EXOC3L1: variants seen among roughly 807,000 people sequenced by gnomAD.
EXOC3L1 encodes the protein exocyst complex component 3-like protein.
Under a neutral mutation model 83.6 loss-of-function variants are expected in EXOC3L1, and 79 were observed. That is an observed-to-expected ratio of 0.95 (90% CI 0.79 to 1.14). The LOEUF is 1.14. EXOC3L1 is among the 50% of genes most tolerant of loss of function. The pLI, the probability that EXOC3L1 is intolerant of heterozygous loss-of-function variation, is 0.00. For synonymous variants in EXOC3L1, 433 were observed against 451.2 expected (o/e 0.96, Z 0.51); for missense variants, 945 against 972.0 (o/e 0.97, Z 0.37).
At chr16:67,185,785 G>C (rs1289602089) in intron 9 of EXOC3L1, 1 of 529,906 alleles carries the variant, frequency 1.9e-6, no homozygotes, top group Non-Finnish European at 3.4e-6. Context: ...ATCCCAGTGA[G>C]GAGGGAGTAA....
chr16:67,186,911 A>C, intron 6 of EXOC3L1, 27 bp from the exon 7 acceptor site: 1 of 1,613,250 alleles, frequency 6.2e-7, no homozygotes, highest in South Asian at 1.1e-5. Context: ...GGGGCAAAGG[A>C]ATGTAGCAGG....
chr16:67,187,213 A>G lies in EXOC3L1; in HGVS notation c.1040+12T>C, dbSNP rs1345959040. On this transcript the variant is annotated intron_variant, in intron 5 of 13. Coordinates refer to ENST00000314586, the MANE Select transcript of EXOC3L1 (RefSeq NM_178516.4). ...CTGATCCCCCATGTCCCGCTGCCCC[A>G]AAGGCACTGACCCCAGGTACACATG... 1 of 1,609,286 alleles carries G rather than the reference A, an allele frequency of 6.2e-7. No individual in the cohort carries two copies. The highest frequency in any genetic ancestry group is 8.5e-7 in the Non-Finnish European group (1 of 1,177,120).
Position 67,187,320 on chromosome 16 carries a change from A to G in EXOC3L1, c.945T>C (p.Gly315=), listed in dbSNP as rs1480506494. ...VQLWAHTLHS[G]LRRSLQNLLA... ...GGAGGTTCTGCAGGCTGCGGCGCAA[A>G]CCACTATGCAGCGTGTGGGCCCATA... The change falls in exon 5 of 14, where the codon GGT becomes GGC. Residue 315 remains glycine, a synonymous_variant. Transcript: ENST00000314586. 6.2e-7 allele frequency: 1 copy of G among 1,612,928 alleles called. No individual in the cohort carries two copies. Among genetic ancestry groups the G allele is most frequent in the South Asian group, 1.1e-5 (1 of 91,092 alleles).
rs1168225180 is a variant in EXOC3L1 at position 67,189,058 on chromosome 16, C to T, written c.169G>A (p.Glu57Lys). ...TCCAGGGAGCAGGTACGCTGCACCT[C>T]GCGGCTGCGGTACTGGCCTAGCCTG... ...LARLGQYRSR[E>K]VQRTCSLESR... The change falls in exon 3 of 14, where the codon GAG becomes AAG. Residue 57 changes from glutamate to lysine, a missense_variant. Glu to Lys is a moderately conservative substitution (Grantham distance 56). Transcript: ENST00000314586. 13 of 1,606,884 alleles carry T rather than the reference C, an allele frequency of 8.1e-6. No homozygotes were observed. The highest frequency in any genetic ancestry group is 2.7e-5 in the African/African-American group (2 of 74,826).
chr16:67,188,237 C>G (rs2032784678), intron 4 of EXOC3L1, among the ~76,000 whole-genome samples: 1 of 152,128 alleles, frequency 6.6e-6, no homozygotes, highest in South Asian at 2.1e-4. Flanking sequence ...GAGTGAGACT[C>G]TGTTTCAAAA....
Position 67,187,622 on chromosome 16 carries a change from C to T in EXOC3L1, c.643G>A (p.Glu215Lys), listed in dbSNP as rs761975568. ...AAGAAGKLAR[E>K]DPALLVAAVR... ...GCAGCCACCAACAGGGCTGGGTCCT[C>T]CCGTGCCAGCTTCCCTGCGGCCCCT... The change falls in exon 5 of 14, where the codon GAG becomes AAG. Residue 215 changes from glutamate to lysine, a missense_variant. By Grantham distance (56) the Glu-to-Lys change is moderately conservative (BLOSUM62 1). Coordinates refer to ENST00000314586, the MANE Select transcript of EXOC3L1 (RefSeq NM_178516.4). The T allele has an allele frequency of 6.2e-6, 10 of 1,608,460 alleles. No homozygotes were observed. The highest frequency in any genetic ancestry group is 8.5e-6 in the Non-Finnish European group (10 of 1,177,918).
In EXOC3L1 at chr16:67,187,625, G is replaced by T. The variant is rs754761240; in HGVS notation, c.640C>A (p.Arg214=). The part of the protein sequence containing the change: ...AAAGAAGKLA[R]EDPALLVAAV... ...GCCACCAACAGGGCTGGGTCCTCCC[G>T]TGCCAGCTTCCCTGCGGCCCCTGCA... Residue 214 remains arginine (R), a synonymous_variant, in exon 5 of 14, where the codon CGG becomes AGG. Coordinates refer to ENST00000314586, the MANE Select transcript of EXOC3L1 (RefSeq NM_178516.4). 6.2e-7 allele frequency: 1 copy of T among 1,608,560 alleles called. No homozygotes were observed.
intron 9 of EXOC3L1, among the ~76,000 whole-genome samples, chr16:67,185,900 C>T (rs1320183180): frequency 6.6e-6 from 1 of 152,192 alleles, no homozygotes; most frequent in African/African-American, 2.4e-5. Flanking sequence ...TAACCCCAGA[C>T]ATTACTGGCA....
Position 67,187,228 on chromosome 16 carries a change from A to G in EXOC3L1, c.1037T>C (p.Leu346Pro), listed in dbSNP as rs774545201. 2.2e-5 allele frequency: 36 copies of G among 1,609,906 alleles called. No homozygotes were observed. In the Admixed American group the frequency reaches 3.0e-4, roughly 13 times the overall value. ...ALLHWALHVY[L>P]GQEMMGSLEL... ...CCGCTGCCCCAAAGGCACTGACCCCAGGTACACATGCAGTGCCCAGTGCAG... is the reference window on the plus strand; with the variant it reads ...CCGCTGCCCCAAAGGCACTGACCCCGGGTACACATGCAGTGCCCAGTGCAG... The change falls in exon 5 of 14, where the codon CTG becomes CCG. Residue 346 changes from leucine (L) to proline (P), a missense_variant. Leu to Pro is a moderately conservative substitution (Grantham distance 98, BLOSUM62 -3). Transcript: ENST00000314586.
rs1289893832 is a variant in EXOC3L1 at position 67,186,742 on chromosome 16, G to C, written c.1284+17C>G. 1.2e-6 allele frequency: 2 copies of C among 1,613,668 alleles called. No individual in the cohort carries two copies. Among genetic ancestry groups the C allele is most frequent in the Admixed American group, 1.7e-5 (1 of 59,998 alleles). On this transcript the variant is annotated intron_variant, in intron 7 of 13. Transcript: ENST00000314586. ...CCCCATGGAGGCTGCCTGCCTGTCT[G>C]GCCACTTCCCACCTACCTGCAGCAC...
At position 67,187,635 on chromosome 16, in the gene EXOC3L1, C is replaced by T; in HGVS notation, c.630G>A (p.Gly210=). The T allele has an allele frequency of 1.2e-6, 2 of 1,609,296 alleles. No homozygotes were observed. Among genetic ancestry groups the T allele is most frequent in the South Asian group, 1.1e-5 (1 of 90,886 alleles). Residue 210 remains glycine (G), a synonymous_variant, in exon 5 of 14, where the codon GGG becomes GGA. Transcript: ENST00000314586. ...QAVEAAAGAA[G]KLAREDPALL... Reference sequence around the variant, plus strand: ...GGGCTGGGTCCTCCCGTGCCAGCTTCCCTGCGGCCCCTGCAGCTGCTTCCA... The same window carrying T: ...GGGCTGGGTCCTCCCGTGCCAGCTTTCCTGCGGCCCCTGCAGCTGCTTCCA...
chr16:67,187,905 G>A (rs1055569092), intron 4 of EXOC3L1, 68 bp from the exon 5 acceptor site: 1 of 1,498,226 alleles, frequency 6.7e-7, no homozygotes, highest in Non-Finnish European at 8.9e-7. Context: ...GTACAGCAGG[G>A]GATACTGAGG....
Position 67,184,505 on chromosome 16 carries a change from C to T in EXOC3L1, c.2130G>A (p.Ser710=). 1 of 1,518,902 alleles carries T rather than the reference C, an allele frequency of 6.6e-7. No homozygotes were observed. Among genetic ancestry groups the T allele is most frequent in the Non-Finnish European group, 8.8e-7 (1 of 1,141,040 alleles). 94.1% of individuals were successfully genotyped at this position (1,518,902 alleles called of 1,614,324 possible). The stretch of plus-strand genomic sequence containing the variant: ...AGAGGACGCGGCGGCTCGCGCGGGG[C>T]GACGGCGGCAGCGCAGCCTGCAGGG... ...LSSLQAALPP[S]PRASRRVLFS... The change falls in exon 14 of 14, where the codon TCG becomes TCA. Residue 710 remains serine (S), a synonymous_variant. Transcript: ENST00000314586.
rs2145984017 is a variant in EXOC3L1, at chr16:67,185,031, G to C, written c.1776C>G (p.Ala592=). The C allele has an allele frequency of 6.2e-7, 1 of 1,609,014 alleles. No homozygotes were observed. The highest frequency in any genetic ancestry group is 1.7e-5 in the Admixed American group (1 of 59,854). ...VQLLLAEAER[A]VVLQYLSALM... ...GCGCGCTCAGGTACTGGAGCACCAC[G>C]GCACGCTCGGCCTCAGCCAGCAGCA... Residue 592 remains alanine, a synonymous_variant, in exon 12 of 14, where the codon GCC becomes GCG. Coordinates refer to ENST00000314586, the MANE Select transcript of EXOC3L1 (RefSeq NM_178516.4).
In EXOC3L1 at chr16:67,186,227, C is replaced by T. The variant is rs367923345; in HGVS notation, c.1496+10G>A. On this transcript the variant is annotated intron_variant, in intron 9 of 13. Coordinates refer to ENST00000314586, the MANE Select transcript of EXOC3L1 (RefSeq NM_178516.4). Reference sequence around the variant, plus strand: ...AGTGAAGGTGGGGTTCCCTGGGGGCCTTCTGGTACCTGAGTGCTGACTTGT... The same window carrying T: ...AGTGAAGGTGGGGTTCCCTGGGGGCTTTCTGGTACCTGAGTGCTGACTTGT... 7.7e-6 allele frequency: 12 copies of T among 1,557,188 alleles called. No homozygotes were observed. The African/African-American group carries it at 1.5e-4, about 19-fold the overall frequency.
intron 7 of EXOC3L1, 44 bp from the exon 8 acceptor site, chr16:67,186,701 C>T (rs1435412813): frequency 6.2e-7 from 1 of 1,613,224 alleles, no homozygotes; most frequent in South Asian, 1.1e-5. Flanking sequence ...CTCCCTCCTT[C>T]CTCTCCTCCC....
chr16:67,185,330 T>C (rs753723469), intron 10 of EXOC3L1, 31 bp downstream of exon 10: 2 of 1,612,978 alleles, frequency 1.2e-6, no homozygotes, highest in South Asian at 2.2e-5. Flanking sequence ...CCTCTCCACC[T>C]GCTCCCATCC....
At position 67,186,538 on chromosome 16, in the gene EXOC3L1, G is replaced by A; in HGVS notation, c.1385+19C>T. On this transcript the variant is annotated intron_variant, in intron 8 of 13. Transcript: ENST00000314586. ...GGAGCAGGGATAGGGATCAGGAATG[G>A]GTCAGTGCCTCAGCAAACCTCCTCA... The A allele has an allele frequency of 6.2e-7, 1 of 1,611,314 alleles. No homozygotes were observed. The highest frequency in any genetic ancestry group is 1.1e-5 in the South Asian group (1 of 90,976).
intron 4 of EXOC3L1, 38 bp from the exon 5 acceptor site, chr16:67,187,875 C>G (rs1567685153): frequency 2.6e-6 from 4 of 1,535,350 alleles, no homozygotes; most frequent in Non-Finnish European, 3.5e-6. Flanking sequence ...TGGGTCTCAG[C>G]CTTCCCACCG....
Sources: allele counts gnomAD v4.1 joint callset (sites outside exome capture counted in the v4.1 genomes callset), GRCh38; gene constraint gnomAD v4.1.1; transcripts MANE v1.5; gene names NCBI Gene and HGNC (gene_info 2026-07-23, HGNC 2026-07-21).